The following CDH20 variants were observed in gnomAD, a reference collection of about 807,000 sequenced individuals.
The protein encoded by CDH20 is cadherin-20.
Under a neutral mutation model 74.2 loss-of-function variants are expected in CDH20, and 29 were observed. The ratio of observed to expected loss-of-function variants is 0.39; its 90% CI spans 0.29 to 0.53. The LOEUF is 0.53. Among genes scored for constraint, CDH20 ranks in the 20% least tolerant of loss-of-function variants. The pLI is 0.69. For synonymous variants in CDH20, 469 were observed against 405.4 expected (o/e 1.16, Z -1.88); for missense variants, 988 against 1,048.3 (o/e 0.94, Z 0.79).
chr18:61,411,528 G>T (rs1912502840), intron 1 of CDH20, among the ~76,000 whole-genome samples: 2 of 149,514 alleles, frequency 1.3e-5, no homozygotes, highest in Admixed American at 1.3e-4. Flanking sequence ...TCAATGAGTG[G>T]ATAAAGAAAC....
At chr18:61,337,363 T>C (rs184583416) in intron 1 of CDH20, among the ~76,000 whole-genome samples, 11 of 152,330 alleles carry the variant, frequency 7.2e-5, no homozygotes, top group Non-Finnish European at 1.6e-4. Context: ...CTAATTCTAG[T>C]ATTAAATATA....
At position 61,536,583 on chromosome 18, in the gene CDH20, G is replaced by A; in HGVS notation, c.1362G>A (p.Arg454=). 1 of 1,613,934 alleles carries A rather than the reference G, an allele frequency of 6.2e-7. No homozygotes were observed. Among genetic ancestry groups the A allele is most frequent in the Non-Finnish European group, 8.5e-7 (1 of 1,179,876 alleles). Residue 454 remains arginine (R), a synonymous_variant, in exon 8 of 12, where the codon CGG becomes CGA. Coordinates refer to ENST00000262717, the MANE Select transcript of CDH20 (RefSeq NM_031891.4). ...GALMTARPLD[R]EEFSWHNITV... ...TAATGACAGCAAGACCCCTAGACCG[G>A]GAAGAATTTTCTTGGCATAATATCA...
chr18:61,466,074 T>A (rs1410254103), intron 1 of CDH20, among the ~76,000 whole-genome samples: 1 of 145,164 alleles, frequency 6.9e-6, no homozygotes, highest in Non-Finnish European at 1.5e-5. Flanking sequence ...ATATATATAT[T>A]TTCTCATTAA....
chr18:61,474,590 C>T (rs1224931512), intron 1 of CDH20, among the ~76,000 whole-genome samples: 1 of 152,202 alleles, frequency 6.6e-6, no homozygotes, highest in Non-Finnish European at 1.5e-5. Flanking sequence ...TGCCAAGATT[C>T]TCTTCAAGAT....
At chr18:61,525,712 C>CA (rs916591449) in intron 6 of CDH20, among the ~76,000 whole-genome samples, 25 of 151,622 alleles carry the variant, frequency 1.6e-4, no homozygotes, top group East Asian at 7.7e-4. Flanking sequence ...AGCAACAAAA[C>CA]AAAAAAAACT....
At chr18:61,464,342 C>A (rs1488945613) in intron 1 of CDH20, among the ~76,000 whole-genome samples, 1 of 151,898 alleles carries the variant, frequency 6.6e-6, no homozygotes, top group Non-Finnish European at 1.5e-5. Flanking sequence ...ACATATTGCA[C>A]AATTCTTATT....
At chr18:61,374,789 G>A (rs1911160978) in intron 1 of CDH20, among the ~76,000 whole-genome samples, 1 of 152,060 alleles carries the variant, frequency 6.6e-6, no homozygotes, top group Non-Finnish European at 1.5e-5. Flanking sequence ...CACAAAGCAA[G>A]CACAACCAGA....
chr18:61,512,879 A>G (rs536324868), intron 6 of CDH20, among the ~76,000 whole-genome samples: 1 of 152,018 alleles, frequency 6.6e-6, no homozygotes, highest in Non-Finnish European at 1.5e-5. Flanking sequence ...AGTTTGTTAT[A>G]ATTTCTGTTC....
Position 61,464,039 on chromosome 18 carries a change from T to C in CDH20, c.-152-26363T>C, listed in dbSNP as rs551596915. Among the ~76,000 whole-genome samples the C allele has an allele frequency of 3.9e-5, 6 of 152,282 alleles. No individual in the cohort carries two copies. The South Asian group carries it at 8.3e-4, about 21-fold the overall frequency. ...AGCCCGGCAGATATTAGGGATTCAA[T>C]AAATATTAGTTACCTTCCCTATTAA... is the stretch of plus-strand genomic sequence containing the variant. On this transcript the variant is annotated intron_variant, in intron 1 of 11. Transcript: ENST00000262717.
chr18:61,342,803 C>T (rs1211796283), intron 1 of CDH20, among the ~76,000 whole-genome samples: 1 of 152,032 alleles, frequency 6.6e-6, no homozygotes, highest in Non-Finnish European at 1.5e-5. Flanking sequence ...TAGATAGTTC[C>T]CATGGTTACA....
rs11152299 is a variant in CDH20 at position 61,538,596 on chromosome 18, G to C, written c.1409-428G>C. ...ATAACTACTTTTTGTTTGTTTGTTT[G>C]TTTTTGTTTTTGTTTTTGTTTTTGT... On this transcript the variant is annotated intron_variant, in intron 8 of 11. Transcript: ENST00000262717. Among the ~76,000 whole-genome samples the C allele has an allele frequency of 8.2e-5, 2 of 24,518 alleles. 1 individual carries two copies. The highest frequency in any genetic ancestry group is 2.0e-4 in the African/African-American group (2 of 10,238). 16.1% of individuals were successfully genotyped at this position (24,518 alleles called of 152,430 possible). A position where few individuals can be genotyped will look rare whatever the true frequency, so the allele number is the denominator to read the frequency against.
chr18:61,360,247 C>T (rs1478951555), intron 1 of CDH20, among the ~76,000 whole-genome samples: 4 of 152,090 alleles, frequency 2.6e-5, no homozygotes, highest in Admixed American at 6.6e-5. Context: ...GAAAAAGTCC[C>T]CAAAACTACT....
intron 1 of CDH20, among the ~76,000 whole-genome samples, chr18:61,419,597 G>C (rs893085605): frequency 6.6e-6 from 1 of 151,946 alleles, no homozygotes; most frequent in African/African-American, 2.4e-5. Flanking sequence ...ATCAGTATTT[G>C]TATCTTTTCC....
intron 1 of CDH20, among the ~76,000 whole-genome samples, chr18:61,443,580 A>C (rs974281414): frequency 5.3e-5 from 8 of 152,084 alleles, no homozygotes; most frequent in African/African-American, 1.7e-4. Flanking sequence ...CCTGTCCACA[A>C]ACTATTTGTT....
At chr18:61,470,159 C>A (rs541231425) in intron 1 of CDH20, among the ~76,000 whole-genome samples, 7 of 152,232 alleles carry the variant, frequency 4.6e-5, no homozygotes, top group African/African-American at 1.7e-4. Context: ...GCTATAAATG[C>A]GTATCATACA....
At chr18:61,356,971 A>G (rs1295104259) in intron 1 of CDH20, among the ~76,000 whole-genome samples, 1 of 152,212 alleles carries the variant, frequency 6.6e-6, no homozygotes, top group Non-Finnish European at 1.5e-5. Flanking sequence ...TCAGACATGT[A>G]GAAACTAGTT....
chr18:61,419,655 C>T (rs1037818464), intron 1 of CDH20, among the ~76,000 whole-genome samples: 16 of 151,088 alleles, frequency 1.1e-4, no homozygotes, highest in Non-Finnish European at 2.4e-4. Context: ...TGTAAAATCT[C>T]TTTTTTTTTC....
At chr18:61,454,684 C>G (rs1277581690) in intron 1 of CDH20, among the ~76,000 whole-genome samples, 3 of 152,182 alleles carry the variant, frequency 2.0e-5, no homozygotes, top group Admixed American at 2.0e-4. Context: ...CAGGATCTTG[C>G]TATATGTTTG....
chr18:61,409,675 T>G (rs570686950), intron 1 of CDH20, among the ~76,000 whole-genome samples: 84 of 152,300 alleles, frequency 5.5e-4, no homozygotes, highest in African/African-American at 1.9e-3. Context: ...TAAACTAAAT[T>G]AAAATTGCGC....
Sources: allele counts gnomAD v4.1 joint callset (sites outside exome capture counted in the v4.1 genomes callset), GRCh38; gene constraint gnomAD v4.1.1; transcripts MANE v1.5; gene names NCBI Gene and HGNC (gene_info 2026-07-23, HGNC 2026-07-21).